ALX4: variants seen among roughly 807,000 people sequenced by gnomAD.
ALX4 encodes the protein ALX homeobox 4, also known as homeobox protein aristaless-like 4.
Under a neutral mutation model 40.6 loss-of-function variants are expected in ALX4, and 22 were observed. The ratio of observed to expected loss-of-function variants is 0.54; its 90% CI spans 0.39 to 0.77. ALX4 has a LOEUF of 0.77. Among genes scored for constraint, ALX4 ranks in the 30% least tolerant of loss-of-function variants. ALX4 has a pLI of 0.00. For synonymous variants in ALX4, 266 were observed against 240.5 expected (o/e 1.11, Z -0.98); for missense variants, 556 against 564.8 (o/e 0.98, Z 0.16).
chr11:44,285,082 A>G (rs1956331057), intron 1 of ALX4, among the ~76,000 whole-genome samples: 1 of 152,112 alleles, frequency 6.6e-6, no homozygotes, highest in Non-Finnish European at 1.5e-5. Context: ...CTCCTGCCGC[A>G]GCCTCCTGAG....
chr11:44,293,426 A>AT (rs59264495), intron 1 of ALX4, among the ~76,000 whole-genome samples: 70,283 of 150,716 alleles, frequency 0.47, 16,778 homozygotes, highest in South Asian at 0.76. Flanking sequence ...AAAAGAAAAA[A>AT]AAATATATAT....
intron 1 of ALX4, among the ~76,000 whole-genome samples, chr11:44,278,530 G>A (rs1289962385): frequency 6.6e-6 from 1 of 152,188 alleles, no homozygotes; most frequent in Non-Finnish European, 1.5e-5. Flanking sequence ...GCCAGCTCTT[G>A]GCCTTTCAGG....
At chr11:44,275,750 AC>A (rs1956274643) in intron 1 of ALX4, 92 bp from the exon 2 acceptor site, 6 of 1,261,752 alleles carry the variant, frequency 4.8e-6, no homozygotes, top group South Asian at 2.9e-5. Flanking sequence ...TCGGGTAGCC[AC>A]CCCCTGCCTT....
intron 1 of ALX4, among the ~76,000 whole-genome samples, chr11:44,298,612 G>C (rs1026736549): frequency 2.0e-5 from 3 of 152,072 alleles, no homozygotes; most frequent in Non-Finnish European, 4.4e-5. Context: ...CATTTGGCTA[G>C]AGCCGACCCC....
Position 44,293,424 on chromosome 11 carries a change from A to AT in ALX4, c.466+16172_466+16173insA, listed in dbSNP as rs1301528797. On this transcript the variant is annotated intron_variant, in intron 1 of 3. Transcript: ENST00000652299. ...CAAAACCCCATCTTAAAAAAAGAAA[A>AT]AAAAATATATATATAATGCATGGTG... 2.1e-4 allele frequency among the ~76,000 whole-genome samples: 23 copies of AT among 110,470 alleles called. No homozygotes were observed. In the South Asian group the frequency reaches 0.011, roughly 52 times the overall value. The allele number at this position is 110,470 out of a possible 152,430, so 72.5% of individuals were successfully genotyped here.
intron 1 of ALX4, among the ~76,000 whole-genome samples, chr11:44,286,220 G>A (rs893515603): frequency 9.9e-5 from 15 of 152,188 alleles, no homozygotes; most frequent in East Asian, 7.7e-4. Flanking sequence ...CAGCCACAGC[G>A]CAGGGCAGGA....
chr11:44,307,263 C>A (rs894290630), intron 1 of ALX4, among the ~76,000 whole-genome samples: 5 of 152,184 alleles, frequency 3.3e-5, no homozygotes, highest in East Asian at 3.9e-4. Context: ...TCTGTTATCA[C>A]CCCAGGATGC....
At chr11:44,283,394 G>A (rs1330149966) in intron 1 of ALX4, among the ~76,000 whole-genome samples, 1 of 152,006 alleles carries the variant, frequency 6.6e-6, no homozygotes, top group Non-Finnish European at 1.5e-5. Context: ...TCACTTCTAG[G>A]AATTTACTCA....
chr11:44,283,891 C>T (rs1362964091), intron 1 of ALX4, among the ~76,000 whole-genome samples: 1 of 152,034 alleles, frequency 6.6e-6, no homozygotes, highest in Non-Finnish European at 1.5e-5. Context: ...TTCTGTTTTC[C>T]CCTTGTTTAT....
At chr11:44,308,620 C>CT (rs1956483339) in intron 1 of ALX4, among the ~76,000 whole-genome samples, 1 of 152,254 alleles carries the variant, frequency 6.6e-6, no homozygotes, top group African/African-American at 2.4e-5. Flanking sequence ...CTAGAGACGT[C>CT]CTTGAGTGTC....
rs1956191629 is a variant in ALX4 at position 44,263,034 on chromosome 11, G to A, written c.*1820C>T. The A allele has an allele frequency of 6.6e-6, 1 of 152,136 alleles. No individual in the cohort carries two copies. Among genetic ancestry groups the A allele is most frequent in the Admixed American group, 6.5e-5 (1 of 15,280 alleles). The allele number at this position is 152,136 out of a possible 1,614,324, so 9.4% of individuals were successfully genotyped here. ...TCACAAAGAGGTCTGACTCATTAAG[G>A]GAGGCCACAGCCAGACCCTTCCTCA... On this transcript the variant is annotated 3_prime_UTR_variant, in exon 4 of 4. Transcript: ENST00000652299.
intron 1 of ALX4, among the ~76,000 whole-genome samples, chr11:44,293,562 C>A (rs1270991285): frequency 1.3e-5 from 2 of 152,256 alleles, no homozygotes; most frequent in Admixed American, 6.5e-5. Flanking sequence ...GGATAGATCT[C>A]CTGAGAGGAT....
chr11:44,291,606 T>C (rs1311113045), intron 1 of ALX4, among the ~76,000 whole-genome samples: 10 of 152,078 alleles, frequency 6.6e-5, no homozygotes, highest in African/African-American at 2.4e-4. Context: ...GGTTTCACTC[T>C]TGTTGTCCCG....
At chr11:44,282,691 G>A (rs1004068834) in intron 1 of ALX4, among the ~76,000 whole-genome samples, 7 of 152,208 alleles carry the variant, frequency 4.6e-5, no homozygotes, top group Non-Finnish European at 8.8e-5. Context: ...CTGAAAGGTG[G>A]CCTTAGGGTC....
At chr11:44,285,785 C>T (rs1222446386) in intron 1 of ALX4, among the ~76,000 whole-genome samples, 1 of 152,110 alleles carries the variant, frequency 6.6e-6, no homozygotes, top group African/African-American at 2.4e-5. Flanking sequence ...CAAGGGCCAC[C>T]CTTCTTCCTC....
At chr11:44,266,289 A>G (rs1956213509) in intron 3 of ALX4, among the ~76,000 whole-genome samples, 1 of 152,192 alleles carries the variant, frequency 6.6e-6, no homozygotes, top group Non-Finnish European at 1.5e-5. Context: ...CTGTGCGCTC[A>G]GGCAGCAGAG....
Position 44,310,001 on chromosome 11 carries a change from T to C in ALX4, c.62A>G (p.Tyr21Cys), listed in dbSNP as rs374650044. Reference protein sequence around the residue: ...ESPAAAMDAYYSPVSQSREGS... With the variant: ...ESPAAAMDAYCSPVSQSREGS... ...CTCCCGACTCTGCGACACCGGGCTG[T>C]AGTAGGCGTCCATGGCAGCGGCCGG... is the stretch of plus-strand genomic sequence containing the variant. Residue 21 changes from tyrosine (Y) to cysteine (C), a missense_variant, in exon 1 of 4, where the codon TAC (tyrosine) becomes TGC (cysteine). Tyr to Cys is a radical substitution (Grantham distance 194, BLOSUM62 -2). Coordinates refer to ENST00000652299, the MANE Select transcript of ALX4 (RefSeq NM_021926.4). 8.7e-6 allele frequency: 14 copies of C among 1,603,522 alleles called. No homozygotes were observed. The highest frequency in any genetic ancestry group is 1.2e-5 in the Non-Finnish European group (14 of 1,175,340).
chr11:44,291,610 T>A (rs568609484), intron 1 of ALX4, among the ~76,000 whole-genome samples: 63 of 152,196 alleles, frequency 4.1e-4, no homozygotes, highest in African/African-American at 1.5e-3. Flanking sequence ...TCACTCTTGT[T>A]GTCCCGGCTG....
chr11:44,281,050 T>C (rs1956307170), intron 1 of ALX4, among the ~76,000 whole-genome samples: 1 of 152,242 alleles, frequency 6.6e-6, no homozygotes, highest in Non-Finnish European at 1.5e-5. Flanking sequence ...TAATCTAGTT[T>C]TACCTTTTTA....
Sources: allele counts gnomAD v4.1 joint callset (sites outside exome capture counted in the v4.1 genomes callset), GRCh38; gene constraint gnomAD v4.1.1; transcripts MANE v1.5; gene names NCBI Gene and HGNC (gene_info 2026-07-23, HGNC 2026-07-21).